BTBD9: variants seen among roughly 807,000 people sequenced by gnomAD.
BTBD9 encodes the protein BTB domain containing 9.
A neutral mutation model predicts 64.3 loss-of-function variants in BTBD9; 49 were observed. The ratio of observed to expected loss-of-function variants is 0.76; its 90% CI spans 0.61 to 0.97. The LOEUF (loss-of-function observed/expected upper bound fraction) is 0.97, where lower values mean the gene tolerates loss of function less well. Among genes scored for constraint, BTBD9 ranks in the 50% least tolerant of loss-of-function variants. The pLI is 0.00. For synonymous variants in BTBD9, 260 were observed against 274.7 expected, an observed-to-expected ratio of 0.95 and a Z score of 0.53; for missense variants, 598 against 762.1, an observed-to-expected ratio of 0.78 and a Z score of 2.53.
chr6:38,287,105 A>AAAAAAAAAAC (rs1554135407), intron 8 of BTBD9, among the ~76,000 whole-genome samples: 1 of 100,242 alleles, frequency 1.0e-5, no homozygotes, highest in Non-Finnish European at 2.1e-5. Context: ...AAAAAAAAAA[A>AAAAAAAAAAC]ATATACACAC....
At chr6:38,461,115 C>T (rs1421733333) in intron 6 of BTBD9, among the ~76,000 whole-genome samples, 2 of 152,258 alleles carry the variant, frequency 1.3e-5, no homozygotes, top group Non-Finnish European at 2.9e-5. Context: ...TTTATAGTTA[C>T]AGACCTCACA....
In BTBD9 at chr6:38,328,564, CGTGTGTGTGTGTGTGT is replaced by C. The variant is rs201357884; in HGVS notation, c.1264+16404_1264+16419del. ...AATATATTTCGGCCATTTAAGCCAC[CGTGTGTGTGTGTGTGT>C]GTGTGTGTGTGTGTGTGTGTGTGTG... is the stretch of plus-strand genomic sequence containing the variant. On this transcript the variant is annotated intron_variant, in intron 7 of 10. Transcript: ENST00000481247. Among the ~76,000 whole-genome samples, 562 of 130,500 alleles carry C rather than the reference CGTGTGTGTGTGTGTGT, an allele frequency of 4.3e-3. 2 individuals carry two copies. The highest frequency in any genetic ancestry group is 5.9e-3 in the African/African-American group (194 of 32,908). The allele number at this position is 130,500 out of a possible 152,430, so 85.6% of individuals were successfully genotyped here.
chr6:38,547,597 C>T (rs1265447763), intron 6 of BTBD9, among the ~76,000 whole-genome samples: 1 of 152,254 alleles, frequency 6.6e-6, no homozygotes, highest in East Asian at 1.9e-4. Flanking sequence ...TTCTTTGAAC[C>T]CATCAAGTTC....
At chr6:38,290,068 G>T (rs1208476435) in intron 7 of BTBD9, among the ~76,000 whole-genome samples, 1 of 151,100 alleles carries the variant, frequency 6.6e-6, no homozygotes, top group Non-Finnish European at 1.5e-5. Context: ...ATTTTCCAAA[G>T]TTGGACATGC....
chr6:38,526,563 C>T (rs1050947111), intron 6 of BTBD9, among the ~76,000 whole-genome samples: 1 of 152,188 alleles, frequency 6.6e-6, no homozygotes, highest in African/African-American at 2.4e-5. Flanking sequence ...ACAGCTTGCA[C>T]CGTGCACCTG....
intron 6 of BTBD9, among the ~76,000 whole-genome samples, chr6:38,502,179 T>A (rs1017399764): frequency 6.6e-6 from 1 of 152,210 alleles, no homozygotes; most frequent in African/African-American, 2.4e-5. Context: ...CTGGGCCAGC[T>A]GCTCACCATG....
At chr6:38,309,484 C>T (rs1762748935) in intron 7 of BTBD9, among the ~76,000 whole-genome samples, 1 of 151,526 alleles carries the variant, frequency 6.6e-6, no homozygotes. Context: ...GTGATCTCGG[C>T]TCACTGCAAC....
At chr6:38,617,523 C>A (rs1296595989) in intron 1 of BTBD9, among the ~76,000 whole-genome samples, 1 of 152,112 alleles carries the variant, frequency 6.6e-6, no homozygotes, top group Non-Finnish European at 1.5e-5. Flanking sequence ...CCAGGCTTAC[C>A]AATCAGAAAG....
intron 6 of BTBD9, among the ~76,000 whole-genome samples, chr6:38,568,033 G>A (rs976995496): frequency 1.3e-5 from 2 of 152,088 alleles, no homozygotes; most frequent in Non-Finnish European, 2.9e-5. Context: ...TATAAAGCAA[G>A]GTCCAGGAAC....
intron 6 of BTBD9, among the ~76,000 whole-genome samples, chr6:38,403,087 G>A (rs1018691268): frequency 9.1e-5 from 13 of 142,750 alleles, no homozygotes; most frequent in African/African-American, 3.6e-4. Flanking sequence ...GGGAGGGAAG[G>A]GGAGGGGAAG....
chr6:38,561,339 A>G (rs1297947878), intron 6 of BTBD9, among the ~76,000 whole-genome samples: 2 of 152,168 alleles, frequency 1.3e-5, no homozygotes, highest in East Asian at 3.9e-4. Context: ...GAAGGATTAT[A>G]TACTGTTGAT....
intron 6 of BTBD9, chr6:38,504,663 A>T: frequency 4.4e-6 from 2 of 451,250 alleles, no homozygotes. Flanking sequence ...CAGGAAGCCC[A>T]TTCCTAGAAT....
intron 6 of BTBD9, among the ~76,000 whole-genome samples, chr6:38,437,094 C>T (rs796698811): frequency 6.6e-6 from 1 of 152,068 alleles, no homozygotes. Flanking sequence ...CTAATTAATA[C>T]AAATTACAAT....
At chr6:38,566,752 CT>C (rs928815059) in intron 6 of BTBD9, among the ~76,000 whole-genome samples, 81 of 152,304 alleles carry the variant, frequency 5.3e-4, no homozygotes, top group African/African-American at 1.9e-3. Context: ...CTGTTTTACA[CT>C]TCAAGTGTGA....
At chr6:38,399,689 A>G (rs962336839) in intron 6 of BTBD9, among the ~76,000 whole-genome samples, 2 of 152,074 alleles carry the variant, frequency 1.3e-5, no homozygotes, top group Non-Finnish European at 1.5e-5. Flanking sequence ...GTATTTCCCA[A>G]AGTCCTTTGC....
At chr6:38,487,255 G>A (rs1399520171) in intron 6 of BTBD9, among the ~76,000 whole-genome samples, 1 of 152,072 alleles carries the variant, frequency 6.6e-6, no homozygotes, top group African/African-American at 2.4e-5. Flanking sequence ...CATTCTGAAG[G>A]ATTATTTTAT....
At chr6:38,446,107 G>A (rs1156730549) in intron 6 of BTBD9, among the ~76,000 whole-genome samples, 2 of 152,132 alleles carry the variant, frequency 1.3e-5, no homozygotes, top group Non-Finnish European at 1.5e-5. Flanking sequence ...AGTAAGACAC[G>A]TGAGTAGTGA....
chr6:38,553,551 C>A (rs1424842797), intron 6 of BTBD9, among the ~76,000 whole-genome samples: 4 of 152,098 alleles, frequency 2.6e-5, no homozygotes, highest in Non-Finnish European at 5.9e-5. Flanking sequence ...AGATCAAGAG[C>A]AAAAAGTCTT....
At position 38,592,813 on chromosome 6, in the gene BTBD9, C is replaced by G. The variant is rs1219505965; in HGVS notation, c.577G>C (p.Asp193His). 6.2e-7 allele frequency: 1 copy of G among 1,614,010 alleles called. No homozygotes were observed. The highest frequency in any genetic ancestry group is 2.2e-5 in the East Asian group (1 of 44,888). ...TCTTTTTCGGGAGCTGCAAATGAGTCTCTTAACACGATGTTTAAAAGTGCT... is the reference window on the plus strand; with the variant it reads ...TCTTTTTCGGGAGCTGCAAATGAGTGTCTTAACACGATGTTTAAAAGTGCT... ...KTALLNIVLR[D>H]SFAAPEKDIF... Residue 193 changes from aspartate to histidine, a missense_variant, in exon 4 of 11, where the codon GAC becomes CAC. Asp to His is a moderately conservative substitution (Grantham distance 81). Transcript: ENST00000481247.
Sources: gnomAD v4.1 joint callset for allele counts (sites outside exome capture counted in the v4.1 genomes callset) on GRCh38, gnomAD v4.1.1 for gene constraint, MANE v1.5 for transcripts, NCBI Gene and HGNC (gene_info 2026-07-23, HGNC 2026-07-21) for gene names.